The following CTSC variants were observed in gnomAD, a reference collection of about 807,000 sequenced individuals.
CTSC encodes the protein cathepsin C.
In CTSC, 37 loss-of-function variants were observed where a neutral mutation model predicts 40.9. That is an observed-to-expected ratio of 0.91 (90% CI 0.70 to 1.19). CTSC has a LOEUF of 1.19. CTSC is among the 50% of genes most tolerant of loss of function. The pLI is 0.00. For missense variants in CTSC, 594 were observed against 567.3 expected (o/e 1.05, Z -0.48); for synonymous variants, 232 against 207.4 (o/e 1.12, Z -1.02).
At chr11:88,324,427 GATA>G (rs1309673604) in intron 2 of CTSC, 1 of 980,486 alleles carries the variant, frequency 1.0e-6, no homozygotes, top group East Asian at 1.1e-4. Context: ...AAGGTAACCT[GATA>G]ATATTCTTTA....
intron 2 of CTSC, chr11:88,327,863 T>TA: frequency 2.0e-6 from 1 of 512,464 alleles, no homozygotes; most frequent in Non-Finnish European, 3.5e-6. Context: ...AGGTTACAAG[T>TA]AGCATTCTTG....
At chr11:88,301,490 G>C (rs1027113842) in intron 4 of CTSC, among the ~76,000 whole-genome samples, 1 of 152,000 alleles carries the variant, frequency 6.6e-6, no homozygotes, top group Non-Finnish European at 1.5e-5. Flanking sequence ...ATAAATCTCC[G>C]CTTTTGTTGC....
At chr11:88,325,424 C>T (rs1938154017) in intron 2 of CTSC, 1 of 985,284 alleles carries the variant, frequency 1.0e-6, no homozygotes, top group Non-Finnish European at 1.2e-6. Flanking sequence ...ATTCATGATG[C>T]TCACAGACTG....
intron 4 of CTSC, among the ~76,000 whole-genome samples, chr11:88,301,866 G>A (rs1433705170): frequency 6.6e-6 from 1 of 150,744 alleles, no homozygotes; most frequent in African/African-American, 2.4e-5. Context: ...AGACACATTC[G>A]ACTTCTTGGA....
intron 2 of CTSC, chr11:88,328,044 A>G (rs1938239118): frequency 7.1e-6 from 7 of 982,472 alleles, no homozygotes; most frequent in East Asian, 2.4e-5. Context: ...ATTAATTTGC[A>G]TAAGCCATCA....
intron 2 of CTSC, chr11:88,325,182 T>C (rs1338975194): frequency 1.0e-6 from 1 of 984,594 alleles, no homozygotes; most frequent in Non-Finnish European, 1.2e-6. Flanking sequence ...AATACTGTAA[T>C]TAAGATTAGT....
intron 2 of CTSC, chr11:88,326,153 A>AC: frequency 1.5e-6 from 2 of 1,304,366 alleles, no homozygotes; most frequent in Non-Finnish European, 1.9e-6. Context: ...CATCTTCAGA[A>AC]TTTTTTTTTC....
In CTSC at chr11:88,306,840, A is replaced by G. The variant is rs926956905; in HGVS notation, c.641+2323T>C. Among the ~76,000 whole-genome samples the G allele has an allele frequency of 2.0e-5, 3 of 152,228 alleles. No homozygotes were observed. In the South Asian group the frequency reaches 6.2e-4, roughly 31 times the overall value. ...TAACACAAGCCATCTGCAGACGGCT[A>G]AGCTGAAAGAGCACACTGTAACACA... On this transcript the variant is annotated intron_variant, in intron 4 of 6. Coordinates refer to ENST00000227266, the MANE Select transcript of CTSC (RefSeq NM_001814.6).
In CTSC at chr11:88,318,216, CAG is replaced by C. The variant is rs1937921545; in HGVS notation, c.319-5664_319-5663del. 2.0e-5 allele frequency among the ~76,000 whole-genome samples: 3 copies of C among 152,314 alleles called. No homozygotes were observed. The South Asian group carries it at 6.2e-4, about 32-fold the overall frequency. ...TTACATAACAAACTTGGCTAGAAGA[CAG>C]AGGCAGTTTAGTAAAGTGGACTCCG... On this transcript the variant is annotated intron_variant, in intron 2 of 6. Coordinates refer to ENST00000227266, the MANE Select transcript of CTSC (RefSeq NM_001814.6).
At chr11:88,328,731 G>A (rs1938261899) in intron 2 of CTSC, among the ~76,000 whole-genome samples, 2 of 152,088 alleles carry the variant, frequency 1.3e-5, no homozygotes, top group African/African-American at 2.4e-5. Context: ...GGGTTCAAGC[G>A]ATTCTTCTGC....
chr11:88,334,429 T>C (rs924000082), intron 2 of CTSC, among the ~76,000 whole-genome samples: 1 of 152,234 alleles, frequency 6.6e-6, no homozygotes, highest in Non-Finnish European at 1.5e-5. Flanking sequence ...GAGTAACTCC[T>C]AGGTTCTCTC....
rs762327847 is a variant in CTSC at position 88,337,605 on chromosome 11, C to A, written c.68G>T (p.Arg23Leu). ...LLLLSGDGAV[R>L]CDTPANCTYL... is the part of the protein sequence containing the mutation. ...GGTGCAGTTGGCAGGTGTGTCGCAG[C>A]GCACGGCGCCGTCGCCGGAGAGAAG... Residue 23 changes from arginine (R) to leucine (L), a missense_variant, in exon 1 of 7, where the codon CGC becomes CTC. Physicochemically the swap from Arg to Leu is moderately radical, Grantham distance 102. Transcript: ENST00000227266. The A allele has an allele frequency of 7.6e-6, 12 of 1,579,902 alleles. No homozygotes were observed. The highest frequency in any genetic ancestry group is 7.7e-6 in the Non-Finnish European group (9 of 1,162,424).
At chr11:88,305,067 C>T (rs1349366205) in intron 4 of CTSC, among the ~76,000 whole-genome samples, 1 of 148,632 alleles carries the variant, frequency 6.7e-6, no homozygotes, top group East Asian at 2.0e-4. Context: ...TACCGCACTC[C>T]AGCCTGGACA....
intron 4 of CTSC, among the ~76,000 whole-genome samples, chr11:88,307,931 A>G (rs1000778394): frequency 1.3e-5 from 2 of 152,180 alleles, no homozygotes; most frequent in African/African-American, 4.8e-5. Flanking sequence ...TAATTCACGC[A>G]GAGCCGGCTG....
intron 2 of CTSC, chr11:88,325,041 C>A (rs1938142876): frequency 2.0e-6 from 2 of 985,040 alleles, no homozygotes; most frequent in Non-Finnish European, 1.2e-6. Context: ...TCCACCCAGA[C>A]AATATGAATT....
In CTSC at chr11:88,294,126, A is replaced by T. The variant is rs376286500; in HGVS notation, c.1272T>A (p.Ile424=). ...AGCCGGTGCCCCAGCTGTTTTTAACAATCCAGTAATCCATCCCAGAGGCTG... is the reference window on the plus strand; with the variant it reads ...AGCCGGTGCCCCAGCTGTTTTTAACTATCCAGTAATCCATCCCAGAGGCTG... ...TDSASGMDYW[I]VKNSWGTGWG... Residue 424 remains isoleucine, a synonymous_variant, in exon 7 of 7, where the codon ATT becomes ATA. Transcript: ENST00000227266. 7 of 1,613,990 alleles carry T rather than the reference A, an allele frequency of 4.3e-6. No individual in the cohort carries two copies. The Admixed American group carries it at 1.0e-4, about 23-fold the overall frequency.
Position 88,334,972 on chromosome 11 carries a change from C to G in CTSC, c.283G>C (p.Val95Leu). 1 of 1,612,774 alleles carries G rather than the reference C, an allele frequency of 6.2e-7. No homozygotes were observed. Among genetic ancestry groups the G allele is most frequent in the Non-Finnish European group, 8.5e-7 (1 of 1,179,016 alleles). ...GCAAACCACTTGTAGTCATTCAACACAATCTCAAAGCCTTGGTTGTAAATG... is the reference window on the plus strand; with the variant it reads ...GCAAACCACTTGTAGTCATTCAACAGAATCTCAAAGCCTTGGTTGTAAATG... ...TIIYNQGFEI[V>L]LNDYKWFAFF... Residue 95 changes from valine to leucine, a missense_variant, in exon 2 of 7, where the codon GTG becomes CTG. Val to Leu is a conservative substitution (Grantham distance 32). Coordinates refer to ENST00000227266, the MANE Select transcript of CTSC (RefSeq NM_001814.6).
intron 2 of CTSC, chr11:88,324,705 G>A (rs1938130361): frequency 1.0e-6 from 1 of 985,272 alleles, no homozygotes; most frequent in Non-Finnish European, 1.2e-6. Flanking sequence ...TGAAAGCAGA[G>A]GTACCTGCGA....
intron 2 of CTSC, among the ~76,000 whole-genome samples, chr11:88,318,018 T>C (rs955845959): frequency 6.6e-6 from 1 of 152,236 alleles, no homozygotes; most frequent in Admixed American, 6.5e-5. Flanking sequence ...TAGATATACC[T>C]AGTCATAGGG....
Sources: allele counts gnomAD v4.1 joint callset (sites outside exome capture counted in the v4.1 genomes callset), GRCh38; gene constraint gnomAD v4.1.1; transcripts MANE v1.5; gene names NCBI Gene and HGNC (gene_info 2026-07-23, HGNC 2026-07-21).